Variants in SYT1 observed in about 807,000 individuals in gnomAD.
SYT1 encodes the protein synaptotagmin-1.
A neutral mutation model predicts 44.8 loss-of-function variants in SYT1; 8 were observed. That is an observed-to-expected ratio of 0.18 (90% confidence interval 0.10 to 0.32). The LOEUF (loss-of-function observed/expected upper bound fraction) is 0.32, where lower values mean the gene tolerates loss of function less well. Among genes scored for constraint, SYT1 ranks in the 10% least tolerant of loss-of-function variants. The pLI, the probability that SYT1 is intolerant of heterozygous loss-of-function variation, is 1.00. For synonymous variants in SYT1, 154 were observed against 188.8 expected (o/e 0.82, Z 1.51); for missense variants, 286 against 509.3 (o/e 0.56, Z 4.22).
In SYT1 at chr12:79,449,208, C is replaced by A; in HGVS notation, c.*84C>A. 1 of 1,374,744 alleles carries A rather than the reference C, an allele frequency of 7.3e-7. No individual in the cohort carries two copies. The allele number at this position is 1,374,744 out of a possible 1,614,324, so 85.2% of individuals were successfully genotyped here. A position where few individuals can be genotyped will look rare whatever the true frequency, so the allele number is the denominator to read the frequency against. ...AATACCTCAGTAATATGGGTCCTTT[C>A]ATTTTTCCAGCCATGCATTCCTAAC... On this transcript the variant is annotated 3_prime_UTR_variant, in exon 11 of 11. Transcript: ENST00000261205.
intron 9 of SYT1, among the ~76,000 whole-genome samples, chr12:79,411,457 T>C (rs1242572509): frequency 6.6e-6 from 1 of 152,160 alleles, no homozygotes; most frequent in African/African-American, 2.4e-5. Context: ...AAATGGGTAC[T>C]GAAGGAGGCA....
chr12:78,889,514 A>C (rs1357330558), intron 1 of SYT1, among the ~76,000 whole-genome samples: 2 of 151,984 alleles, frequency 1.3e-5, no homozygotes, highest in African/African-American at 4.8e-5. Context: ...GGAATAACTG[A>C]GACTTTGTCT....
chr12:79,045,878 A>G (rs996826962), intron 2 of SYT1: 1 of 152,174 alleles, frequency 6.6e-6, no homozygotes, highest in African/African-American at 2.4e-5. Context: ...TTATTTTTTA[A>G]TAGAATGTCT....
chr12:79,064,679 G>T (rs1352363168), intron 3 of SYT1, among the ~76,000 whole-genome samples: 4 of 151,918 alleles, frequency 2.6e-5, no homozygotes, highest in East Asian at 3.9e-4. Context: ...CCTGAATAAA[G>T]TAAACCCCAC....
At chr12:79,066,820 C>T (rs1875898994) in intron 3 of SYT1, among the ~76,000 whole-genome samples, 2 of 152,114 alleles carry the variant, frequency 1.3e-5, no homozygotes, top group Admixed American at 6.5e-5. Context: ...GTTGGTTCCC[C>T]TTGCATAATC....
chr12:79,151,851 G>C (rs1159755489), intron 3 of SYT1, among the ~76,000 whole-genome samples: 1 of 152,118 alleles, frequency 6.6e-6, no homozygotes, highest in Admixed American at 6.5e-5. Context: ...GACGAGAGAA[G>C]GGAGAAAATG....
At chr12:78,914,219 T>C (rs972106158) in intron 1 of SYT1, among the ~76,000 whole-genome samples, 3 of 151,876 alleles carry the variant, frequency 2.0e-5, no homozygotes, top group African/African-American at 2.4e-5. Context: ...TGATTGTGGA[T>C]CTTTTACATT....
intron 1 of SYT1, among the ~76,000 whole-genome samples, chr12:78,870,463 T>A (rs1174180751): frequency 1.3e-5 from 2 of 152,144 alleles, no homozygotes; most frequent in African/African-American, 2.4e-5. Flanking sequence ...TTATTTCCTG[T>A]GATAGATAAA....
At chr12:79,370,727 C>A (rs1194619048) in intron 9 of SYT1, among the ~76,000 whole-genome samples, 1 of 151,998 alleles carries the variant, frequency 6.6e-6, no homozygotes, top group East Asian at 1.9e-4. Flanking sequence ...CGCGCCACTG[C>A]ACTCCAGCCT....
At chr12:79,330,770 T>C (rs1474684573) in intron 8 of SYT1, among the ~76,000 whole-genome samples, 2 of 152,190 alleles carry the variant, frequency 1.3e-5, no homozygotes, top group African/African-American at 4.8e-5. Context: ...TCCTTTCACT[T>C]AGGTACTATT....
rs1876908942 is a variant in SYT1 at position 79,079,868 on chromosome 12, A to G, written c.-18+32506A>G. ...GATCCATAAACATGAAAAATGGGCCATCTGTCCTTTGTGCTGACTCAAGGA... is the reference window on the plus strand; with the variant it reads ...GATCCATAAACATGAAAAATGGGCCGTCTGTCCTTTGTGCTGACTCAAGGA... On this transcript the variant is annotated intron_variant, in intron 3 of 10. Transcript: ENST00000261205. 2.6e-5 allele frequency among the ~76,000 whole-genome samples: 4 copies of G among 152,066 alleles called. 1 individual carries two copies. In the South Asian group the frequency reaches 8.3e-4, roughly 32 times the overall value.
chr12:79,052,337 C>A (rs1874565527), intron 3 of SYT1, among the ~76,000 whole-genome samples: 1 of 152,070 alleles, frequency 6.6e-6, no homozygotes, highest in South Asian at 2.1e-4. Flanking sequence ...CTTCCTTACA[C>A]CTTATACAAA....
At chr12:79,278,529 A>T (rs1013505991) in intron 4 of SYT1, among the ~76,000 whole-genome samples, 25 of 152,238 alleles carry the variant, frequency 1.6e-4, no homozygotes, top group Middle Eastern at 3.4e-3. Flanking sequence ...CTAAGAGGGA[A>T]GTTTACAATG....
At chr12:78,979,544 A>G (rs180785395) in intron 2 of SYT1, among the ~76,000 whole-genome samples, 1 of 152,262 alleles carries the variant, frequency 6.6e-6, no homozygotes, top group African/African-American at 2.4e-5. Flanking sequence ...ACTGACAGAA[A>G]AGCATTGTAA....
chr12:79,166,425 G>A (rs980701111), intron 3 of SYT1, among the ~76,000 whole-genome samples: 1 of 151,830 alleles, frequency 6.6e-6, no homozygotes, highest in Non-Finnish European at 1.5e-5. Context: ...TTCTATTCAG[G>A]GAAGCCCAAG....
At chr12:78,943,558 A>T (rs1878500735) in intron 1 of SYT1, among the ~76,000 whole-genome samples, 1 of 152,110 alleles carries the variant, frequency 6.6e-6, no homozygotes, top group Non-Finnish European at 1.5e-5. Flanking sequence ...GTCATCTCCC[A>T]CCAGGCCCCC....
At position 79,449,316 on chromosome 12, in the gene SYT1, G is replaced by T; in HGVS notation, c.*192G>T. Reference sequence around the variant, plus strand: ...CCCCTAAGTCCTTCATCATACCACTGCCCTCCAAATCTACTCTTCTTTTAA... The same window carrying T: ...CCCCTAAGTCCTTCATCATACCACTTCCCTCCAAATCTACTCTTCTTTTAA... On this transcript the variant is annotated 3_prime_UTR_variant, in exon 11 of 11. Transcript: ENST00000261205. 1 of 598,420 alleles carries T rather than the reference G, an allele frequency of 1.7e-6. No homozygotes were observed. The highest frequency in any genetic ancestry group is 3.0e-5 in the Admixed American group (1 of 32,870). The allele number at this position is 598,420 out of a possible 1,614,324, so 37.1% of individuals were successfully genotyped here. A position where few individuals can be genotyped will look rare whatever the true frequency, so the allele number is the denominator to read the frequency against.
intron 3 of SYT1, among the ~76,000 whole-genome samples, chr12:79,200,153 C>T (rs1873695101): frequency 1.3e-5 from 2 of 151,992 alleles, no homozygotes; most frequent in South Asian, 4.2e-4. Context: ...CAAGAAAGTA[C>T]CTTAACAAAT....
chr12:79,187,694 C>T (rs1872883502), intron 3 of SYT1, among the ~76,000 whole-genome samples: 2 of 151,984 alleles, frequency 1.3e-5, no homozygotes, highest in Non-Finnish European at 2.9e-5. Flanking sequence ...ATCACTATTC[C>T]AGTATATTTC....
Sources: gnomAD v4.1 joint callset for allele counts (sites outside exome capture counted in the v4.1 genomes callset) on GRCh38, gnomAD v4.1.1 for gene constraint, MANE v1.5 for transcripts, NCBI Gene and HGNC (gene_info 2026-07-23, HGNC 2026-07-21) for gene names.